The following ADAM33 variants were observed in gnomAD, a reference collection of about 807,000 sequenced individuals.
The protein encoded by ADAM33 is disintegrin and metalloproteinase domain-containing protein 33.
ADAM33 carries 103 observed loss-of-function variants against 106.2 expected under a neutral mutation model. The observed-to-expected ratio is 0.97, with a 90% CI of 0.83 to 1.14. ADAM33 has a LOEUF of 1.14. Ranked by LOEUF, ADAM33 falls within the 50% of genes most tolerant of loss-of-function variation. The pLI, the probability that ADAM33 is intolerant of heterozygous loss-of-function variation, is 0.00. For synonymous variants in ADAM33, 483 were observed against 453.0 expected (o/e 1.07, Z -0.84); for missense variants, 1,120 against 1,096.6 (o/e 1.02, Z -0.30).
intron 11 of ADAM33, chr20:3,673,137 C>G (rs1335574687): frequency 6.8e-7 from 1 of 1,478,534 alleles, no homozygotes; most frequent in African/African-American, 1.4e-5. Context: ...GTAGGAGTAA[C>G]CTCGCCAGGT....
At chr20:3,676,977 G>A (rs1402934575) in intron 3 of ADAM33, 90 bp downstream of exon 3, 12 of 1,398,240 alleles carry the variant, frequency 8.6e-6, no homozygotes, top group Admixed American at 4.1e-5. Context: ...GGGGTCCTCT[G>A]CCCATCCAGC....
At chr20:3,669,407 G>C (rs756818519) in intron 20 of ADAM33, 37 bp from the exon 21 acceptor site, 7 of 1,587,148 alleles carry the variant, frequency 4.4e-6, no homozygotes, top group Non-Finnish European at 5.1e-6. Flanking sequence ...TTGTGAATAT[G>C]GTCAGCAGGA....
chr20:3,672,405 CGGAGCTGGGGG>C, intron 13 of ADAM33, 76 bp from the exon 14 acceptor site: 12 of 1,579,294 alleles, frequency 7.6e-6, no homozygotes, highest in Non-Finnish European at 1.0e-5. Flanking sequence ...GAGCGCGGCT[CGGAGCTGGGGG>C]AGCCAGGCCT....
At position 3,674,498 on chromosome 20, in the gene ADAM33, C is replaced by T. The variant is rs1568810841; in HGVS notation, c.600+6G>A. 1.8e-5 allele frequency: 29 copies of T among 1,612,628 alleles called. 3 individuals are homozygous for T. The South Asian group carries it at 3.2e-4, about 18-fold the overall frequency. On this transcript the variant is annotated splice_donor_region_variant and intron_variant, in intron 6 of 21. Coordinates refer to ENST00000356518, the MANE Select transcript of ADAM33 (RefSeq NM_025220.5). Reference sequence around the variant, plus strand: ...TTCCCACTCCCATCCGATCGATGCCCCTGACCCTGCTCTGGGGACCACCAG... The same window carrying T: ...TTCCCACTCCCATCCGATCGATGCCTCTGACCCTGCTCTGGGGACCACCAG...
Position 3,675,212 on chromosome 20 carries a change from A to T in ADAM33, c.255-107T>A. The T allele has an allele frequency of 1.3e-6, 1 of 787,734 alleles. No individual in the cohort carries two copies. Among genetic ancestry groups the T allele is most frequent in the Non-Finnish European group, 2.1e-6 (1 of 470,746 alleles). 48.8% of individuals were successfully genotyped at this position (787,734 alleles called of 1,614,324 possible). ...TGCTAATGGAGCAGCTTTATGAGTG[A>T]GACACTCACAGTGTGTCTTAGGGAA... On this transcript the variant is annotated intron_variant, in intron 3 of 21. Transcript: ENST00000356518. This position sits in a 1 kb window ranked among gnomAD's most constrained non-coding sequence, Gnocchi z 4.1.
At position 3,673,734 on chromosome 20, in the gene ADAM33, G is replaced by C. The variant is rs2087734588; in HGVS notation, c.905+11C>G. ...CCACCCGGGACCCGCGTCCGGGTCA[G>C]AGGCACCCACGTGAGCAGCTGCGCG... On this transcript the variant is annotated intron_variant, in intron 9 of 21. Transcript: ENST00000356518. 1 of 1,469,888 alleles carries C rather than the reference G, an allele frequency of 6.8e-7. No individual in the cohort carries two copies. Among genetic ancestry groups the C allele is most frequent in the South Asian group, 1.3e-5 (1 of 75,548 alleles). The allele number at this position is 1,469,888 out of a possible 1,614,324, so 91.1% of individuals were successfully genotyped here. A position where few individuals can be genotyped will look rare whatever the true frequency, so the allele number is the denominator to read the frequency against.
chr20:3,679,568 T>G lies in ADAM33; in HGVS notation c.101A>C (p.His34Pro), dbSNP rs2088292281. The change falls in exon 2 of 22, where the codon CAT becomes CCT. Residue 34 changes from histidine (H) to proline (P), a missense_variant. Coordinates refer to ENST00000356518, the MANE Select transcript of ADAM33 (RefSeq NM_025220.5). ...CGGGGTGACTGGCTGCCCAGGGATA[T>G]GTCCTGGAGTAAAGACAGAGCACAG... The part of the protein sequence containing the change: ...PVPGAGVLQG[H>P]IPGQPVTPHW... 6.2e-7 allele frequency: 1 copy of G among 1,606,990 alleles called. No homozygotes were observed. Among genetic ancestry groups the G allele is most frequent in the African/African-American group, 1.3e-5 (1 of 74,770 alleles).
chr20:3,671,968 C>T lies in ADAM33; in HGVS notation c.1615G>A (p.Glu539Lys), dbSNP rs147463992. The T allele has an allele frequency of 9.8e-5, 153 of 1,555,712 alleles. No homozygotes were observed. The highest frequency in any genetic ancestry group is 7.2e-4 in the African/African-American group (53 of 73,496). The change falls in exon 15 of 22, where the codon GAG (glutamate) becomes AAG (lysine). Residue 539 changes from glutamate to lysine, a missense_variant. Physicochemically the swap from Glu to Lys is moderately conservative, Grantham distance 56. Transcript: ENST00000356518. ...GAGTTCACCACCTGGAAACAGGCCT[C>T]GGGAGCTGGGTGGGAGCCTGAGGAA... ...LWGPGSHPAP[E>K]ACFQVVNSAG...
At chr20:3,680,357 C>A (rs950108527) in intron 1 of ADAM33, among the ~76,000 whole-genome samples, 2 of 152,166 alleles carry the variant, frequency 1.3e-5, no homozygotes, top group Non-Finnish European at 2.9e-5. Flanking sequence ...TACCCAGTCC[C>A]AGCTCCCAGA....
rs1412466434 is a variant in ADAM33 at position 3,673,747 on chromosome 20, G to A, written c.903C>T (p.Leu301=). ...GCGTCCGGGTCAGAGGCACCCACGT[G>A]AGCAGCTGCGCGGAGTCGTGGGGCC... ...AQRPHDSAQL[L]TGRAFQGATV... The change falls in exon 9 of 22, where the codon CTC becomes CTT. Residue 301 remains leucine, a splice_region_variant and synonymous_variant. Coordinates refer to ENST00000356518, the MANE Select transcript of ADAM33 (RefSeq NM_025220.5). The A allele has an allele frequency of 1.3e-6, 2 of 1,502,950 alleles. No individual in the cohort carries two copies. Among genetic ancestry groups the A allele is most frequent in the Non-Finnish European group, 1.8e-6 (2 of 1,130,422 alleles). The allele number at this position is 1,502,950 out of a possible 1,614,324, so 93.1% of individuals were successfully genotyped here. A position where few individuals can be genotyped will look rare whatever the true frequency, so the allele number is the denominator to read the frequency against.
In ADAM33 at chr20:3,671,670, A is replaced by T; in HGVS notation, c.1816T>A (p.Cys606Ser). ...TVHLDGQEVT[C>S]RGALALPSAQ... is the part of the protein sequence containing the mutation. ...CTGGGGAGTGCCAAGGCTCCCCGAC[A>T]AGTCACTTCCTGGCCATCTAGGTGA... Residue 606 changes from cysteine to serine, a missense_variant, in exon 16 of 22, where the codon TGT becomes AGT. Cys to Ser is a moderately radical substitution (Grantham distance 112, BLOSUM62 -1). Coordinates refer to ENST00000356518, the MANE Select transcript of ADAM33 (RefSeq NM_025220.5). The T allele has an allele frequency of 6.3e-7, 1 of 1,584,000 alleles. No individual in the cohort carries two copies.
At position 3,677,152 on chromosome 20, in the gene ADAM33, G is replaced by A. The variant is rs766180214; in HGVS notation, c.178-9C>T. ...ATGTCTGGCTTCGAGACCTGGGCAA[G>A]AAAATGTGTGGAGCTGAGATGGTGG... On this transcript the variant is annotated splice_polypyrimidine_tract_variant and intron_variant, in intron 2 of 21. Transcript: ENST00000356518. 3 of 1,604,088 alleles carry A rather than the reference G, an allele frequency of 1.9e-6. No homozygotes were observed. The East Asian group carries it at 6.7e-5, about 36-fold the overall frequency.
Position 3,681,921 on chromosome 20 carries a change from G to T in ADAM33, c.84C>A (p.Ala28=). The T allele has an allele frequency of 6.3e-7, 1 of 1,589,676 alleles. No homozygotes were observed. The highest frequency in any genetic ancestry group is 1.7e-5 in the Admixed American group (1 of 57,212). Residue 28 remains alanine (A), a synonymous_variant, in exon 1 of 22, where the codon GCC becomes GCA. Coordinates refer to ENST00000356518, the MANE Select transcript of ADAM33 (RefSeq NM_025220.5). ...LLLLLWPVPG[A]GVLQGHIPGQ... is the part of the protein sequence containing the mutation. ...CCGCGTCCTCACCTTGAAGCACCCC[G>T]GCGCCTGGCACTGGCCAGAGCAGCA...
In ADAM33 at chr20:3,672,142, C is replaced by T; in HGVS notation, c.1589G>A (p.Trp530Ter). 6.2e-7 allele frequency: 1 copy of T among 1,610,830 alleles called. No individual in the cohort carries two copies. Among genetic ancestry groups the T allele is most frequent in the South Asian group, 1.1e-5 (1 of 90,862 alleles). Residue 530 changes from tryptophan (W) to a stop codon, truncating the protein, a stop_gained, in exon 14 of 22, where the codon TGG becomes TAG. Coordinates refer to ENST00000356518, the MANE Select transcript of ADAM33 (RefSeq NM_025220.5). LOFTEE classifies it high-confidence loss of function. Reference protein sequence around the residue: ...PTLEQQCQQLWGPGSHPAPEA... With the variant: ...PTLEQQCQQL The stretch of plus-strand genomic sequence containing the variant: ...TGCTCGTGTCCTCTCACCAGGCCCC[C>T]AGAGCTGCTGGCACTGCTGCTCCAG...
At chr20:3,681,751 C>G (rs1396543679) in intron 1 of ADAM33, among the ~76,000 whole-genome samples, 157 bp downstream of exon 1, 2 of 151,758 alleles carry the variant, frequency 1.3e-5, no homozygotes, top group Non-Finnish European at 2.9e-5. Flanking sequence ...CCCACGGAGA[C>G]CCCCCCAAAG....
At position 3,677,105 on chromosome 20, in the gene ADAM33, A is replaced by G. The variant is rs770166087; in HGVS notation, c.216T>C (p.Ala72=). Residue 72 remains alanine, a synonymous_variant, in exon 3 of 22, where the codon GCT becomes GCC. Transcript: ENST00000356518. ...GCTCAAGCAGGAGCTCCTGGCCTTCAGCCTCCAGGGCCACCAGCCCCATGT... is the reference window on the plus strand; with the variant it reads ...GCTCAAGCAGGAGCTCCTGGCCTTCGGCCTCCAGGGCCACCAGCCCCATGT... The part of the protein sequence containing the change: ...KPDMGLVALE[A]EGQELLLELE... The G allele has an allele frequency of 1.9e-6, 3 of 1,612,274 alleles. No individual in the cohort carries two copies. The highest frequency in any genetic ancestry group is 2.2e-5 in the South Asian group (2 of 91,012).
intron 2 of ADAM33, among the ~76,000 whole-genome samples, chr20:3,678,268 T>C (rs544469026): frequency 6.6e-6 from 1 of 152,384 alleles, no homozygotes; most frequent in Admixed American, 6.5e-5. Context: ...GAGTGTTTCC[T>C]GCCTTTTGGA....
intron 10 of ADAM33, 26 bp from the exon 11 acceptor site, chr20:3,673,522 C>T: frequency 6.8e-7 from 1 of 1,464,540 alleles, no homozygotes; most frequent in Non-Finnish European, 9.0e-7. Flanking sequence ...AGGGCGGTCA[C>T]TGCGGCCGTA....
intron 2 of ADAM33, among the ~76,000 whole-genome samples, chr20:3,679,000 G>C (rs570269): frequency 0.35 from 53,912 of 151,964 alleles, 12,210 homozygotes; most frequent in East Asian, 0.62. Flanking sequence ...CTGCCCCCCC[G>C]ATACCAGAAG....
Sources: gnomAD v4.1 joint callset for allele counts (sites outside exome capture counted in the v4.1 genomes callset) on GRCh38, gnomAD v4.1.1 for gene constraint, Gnocchi (gnomAD v3.1) non-coding constraint, MANE v1.5 for transcripts, NCBI Gene and HGNC (gene_info 2026-07-23, HGNC 2026-07-21) for gene names.